Variants in MPP4 observed in about 807,000 individuals in gnomAD.
MPP4 encodes MAGUK p55 scaffold protein 4.
A neutral mutation model predicts 98.3 loss-of-function variants in MPP4; 91 were observed. The observed-to-expected ratio is 0.93, with a 90% CI of 0.78 to 1.10. MPP4 has a LOEUF of 1.10. Among genes scored for constraint, MPP4 ranks in the 50% least tolerant of loss-of-function variants. The pLI, the probability that MPP4 is intolerant of heterozygous loss-of-function variation, is 0.00. For synonymous variants in MPP4, 261 were observed against 271.8 expected (o/e 0.96, Z 0.39); for missense variants, 744 against 792.9 (o/e 0.94, Z 0.74).
At position 201,682,832 on chromosome 2, in the gene MPP4, A is replaced by G. The variant is rs1688703212; in HGVS notation, c.659T>C (p.Leu220Pro). 6.2e-7 allele frequency: 1 copy of G among 1,613,808 alleles called. No individual in the cohort carries two copies. Among genetic ancestry groups the G allele is most frequent in the Admixed American group, 1.7e-5 (1 of 60,020 alleles). ...GLDPEQVIHI[L>P]AMSRGTIMFK... ...CAAAAAGGCAAAAAGAAGATTTACC[A>G]GAATATGGATCACTTGTTCAGGGTC... Residue 220 changes from leucine to proline, a missense_variant and splice_region_variant, in exon 8 of 22, where the codon CTG (leucine) becomes CCG (proline). Transcript: ENST00000409474.
chr2:201,684,174 A>C (rs1407407494), intron 7 of MPP4, among the ~76,000 whole-genome samples: 1 of 151,152 alleles, frequency 6.6e-6, no homozygotes, highest in Non-Finnish European at 1.5e-5. Context: ...AGTCATGATC[A>C]TACCCCTGCA....
At chr2:201,674,855 T>C (rs1283652633) in intron 11 of MPP4, among the ~76,000 whole-genome samples, 1 of 151,732 alleles carries the variant, frequency 6.6e-6, no homozygotes, top group Non-Finnish European at 1.5e-5. Context: ...TCTTTTTAGG[T>C]TTTTTGCATG....
chr2:201,665,770 C>G (rs1688159273), intron 13 of MPP4: 1 of 152,144 alleles, frequency 6.6e-6, no homozygotes, highest in African/African-American at 2.4e-5. Context: ...CTAAGGTTCT[C>G]CAACTGGTCT....
At position 201,675,405 on chromosome 2, in the gene MPP4, G is replaced by A. The variant is rs572051058; in HGVS notation, c.930-134C>T. ...TGCTGCCTTCACTCAAGTGAAAAGG[G>A]TGATTGCTTCTCCAAATACATTGTC... On this transcript the variant is annotated intron_variant, in intron 10 of 21. Transcript: ENST00000409474. 36 of 841,638 alleles carry A rather than the reference G, an allele frequency of 4.3e-5. 1 individual carries two copies. The South Asian group carries it at 5.5e-4, about 13-fold the overall frequency. The allele number at this position is 841,638 out of a possible 1,614,324, so 52.1% of individuals were successfully genotyped here. A position where few individuals can be genotyped will look rare whatever the true frequency, so the allele number is the denominator to read the frequency against.
chr2:201,671,696 G>A (rs1029711665), intron 11 of MPP4, among the ~76,000 whole-genome samples: 1 of 152,148 alleles, frequency 6.6e-6, no homozygotes, highest in Non-Finnish European at 1.5e-5. Flanking sequence ...AACAAGAAGA[G>A]CTAACTATTC....
At chr2:201,695,780 T>C (rs1283847287) in intron 1 of MPP4, among the ~76,000 whole-genome samples, 1 of 152,202 alleles carries the variant, frequency 6.6e-6, no homozygotes, top group African/African-American at 2.4e-5. Context: ...GCAACATGTA[T>C]ACCTTCGGAT....
intron 1 of MPP4, 23 bp downstream of exon 1, chr2:201,698,564 G>A (rs1254110213): frequency 7.7e-7 from 1 of 1,302,570 alleles, no homozygotes; most frequent in Admixed American, 2.3e-5. Context: ...GGTAACTGAG[G>A]ATTATTTGCC....
In MPP4 at chr2:201,681,584, G is replaced by A. The variant is rs1266615308; in HGVS notation, c.661-17C>T. ...AGACATGGCCTGGAAAATAAGAGAG[G>A]AGAAAGGATGACAATCATGGAGCTA... On this transcript the variant is annotated splice_polypyrimidine_tract_variant and intron_variant, in intron 8 of 21. Transcript: ENST00000409474. 65 of 1,605,444 alleles carry A rather than the reference G, an allele frequency of 4.0e-5. No homozygotes were observed. Among genetic ancestry groups the A allele is most frequent in the Non-Finnish European group, 5.2e-5 (61 of 1,172,930 alleles).
chr2:201,697,007 TG>T (rs1281919514), intron 1 of MPP4, among the ~76,000 whole-genome samples: 1 of 152,144 alleles, frequency 6.6e-6, no homozygotes, highest in Non-Finnish European at 1.5e-5. Flanking sequence ...CATTTGAAGA[TG>T]GGGCCTTTGG....
chr2:201,662,629 A>G (rs1688059736), intron 14 of MPP4, among the ~76,000 whole-genome samples: 1 of 152,026 alleles, frequency 6.6e-6, no homozygotes, highest in African/African-American at 2.4e-5. Flanking sequence ...GATTCAAGAG[A>G]AGTAAGAAAA....
At chr2:201,678,121 T>C (rs1176127416) in intron 10 of MPP4, among the ~76,000 whole-genome samples, 1 of 152,174 alleles carries the variant, frequency 6.6e-6, no homozygotes, top group Non-Finnish European at 1.5e-5. Flanking sequence ...CACGTGGCAA[T>C]GACTAAAAGC....
At chr2:201,660,384 AG>A (rs1687991342) in intron 14 of MPP4, 38 bp from the exon 15 acceptor site, 2 of 1,611,700 alleles carry the variant, frequency 1.2e-6, no homozygotes, top group African/African-American at 1.3e-5. Context: ...GACATGAAAA[AG>A]TTAAGCCTTT....
At chr2:201,667,074 G>T (rs368888064) in intron 12 of MPP4, among the ~76,000 whole-genome samples, 1 of 152,164 alleles carries the variant, frequency 6.6e-6, no homozygotes, top group Non-Finnish European at 1.5e-5. Context: ...TGCACGAAAA[G>T]CTCAGGCATA....
chr2:201,662,182 C>T (rs1271205123), intron 14 of MPP4: 1 of 208,286 alleles, frequency 4.8e-6, no homozygotes, highest in Non-Finnish European at 9.7e-6. Flanking sequence ...AAAATCAATA[C>T]AATGCTCCAG....
At chr2:201,687,850 A>C (rs979512108) in intron 4 of MPP4, among the ~76,000 whole-genome samples, 1 of 152,354 alleles carries the variant, frequency 6.6e-6, no homozygotes, top group East Asian at 1.9e-4. Context: ...TCTCTTTTAG[A>C]GTATCAGTTG....
intron 13 of MPP4, chr2:201,665,619 A>G (rs1364291322): frequency 6.6e-6 from 1 of 152,136 alleles, no homozygotes; most frequent in Non-Finnish European, 1.5e-5. Flanking sequence ...TAAAATAAAC[A>G]TAATGTCAGC....
At chr2:201,650,947 T>A (rs1209073460) in intron 18 of MPP4, 13 of 985,280 alleles carry the variant, frequency 1.3e-5, no homozygotes, top group Non-Finnish European at 1.6e-5. Flanking sequence ...CTAAAAGTTA[T>A]TTGTTGTCTG....
At chr2:201,691,046 C>A (rs1015324406) in intron 3 of MPP4, among the ~76,000 whole-genome samples, 21 of 152,214 alleles carry the variant, frequency 1.4e-4, no homozygotes, top group African/African-American at 4.8e-4. Context: ...GATGATGCTG[C>A]TTCCCTGCTC....
Position 201,647,839 on chromosome 2 carries a change from T to G in MPP4, c.1585-14A>C. The G allele has an allele frequency of 6.3e-7, 1 of 1,596,516 alleles. No homozygotes were observed. The highest frequency in any genetic ancestry group is 8.6e-7 in the Non-Finnish European group (1 of 1,169,276). Reference sequence around the variant, plus strand: ...CCCTTGAATATCCTACACAGAAAATTTAAATGCACATTTATTTTTTGTTTG... The same window carrying G: ...CCCTTGAATATCCTACACAGAAAATGTAAATGCACATTTATTTTTTGTTTG... On this transcript the variant is annotated splice_polypyrimidine_tract_variant and intron_variant, in intron 20 of 21. Coordinates refer to ENST00000409474, the MANE Select transcript of MPP4 (RefSeq NM_033066.3).
Sources: allele counts gnomAD v4.1 joint callset (sites outside exome capture counted in the v4.1 genomes callset), GRCh38; gene constraint gnomAD v4.1.1; transcripts MANE v1.5; gene names NCBI Gene and HGNC (gene_info 2026-07-23, HGNC 2026-07-21).